The following LRRTM4 variants were observed in gnomAD, a reference collection of about 807,000 sequenced individuals.
LRRTM4 encodes leucine-rich repeat transmembrane neuronal protein 4.
In LRRTM4, 25 loss-of-function variants were observed where a neutral mutation model predicts 47.6. The ratio of observed to expected loss-of-function variants is 0.53; its 90% CI spans 0.38 to 0.73. LRRTM4 has a LOEUF of 0.73. Ranked by LOEUF, LRRTM4 falls within the 30% of genes least tolerant of loss-of-function variation. The probability of loss-of-function intolerance (pLI) is 0.00; values close to 1 mark genes in which losing one functional copy is unlikely to be tolerated. For synonymous variants in LRRTM4, 311 were observed against 269.5 expected (o/e 1.15, Z -1.51); for missense variants, 638 against 713.4 (o/e 0.89, Z 1.20).
intron 3 of LRRTM4, among the ~76,000 whole-genome samples, chr2:77,057,821 A>C (rs1048660742): frequency 6.6e-6 from 1 of 152,192 alleles, no homozygotes; most frequent in Non-Finnish European, 1.5e-5. Context: ...TTAAGGATAG[A>C]TATGAAGTGG....
chr2:77,020,868 T>C (rs1678242797), intron 3 of LRRTM4, among the ~76,000 whole-genome samples: 1 of 152,122 alleles, frequency 6.6e-6, no homozygotes, highest in Non-Finnish European at 1.5e-5. Flanking sequence ...TGTCCATGGA[T>C]TGGGGAGTAC....
intron 3 of LRRTM4, among the ~76,000 whole-genome samples, chr2:77,306,256 C>G (rs952810866): frequency 6.6e-6 from 1 of 151,922 alleles, no homozygotes; most frequent in Non-Finnish European, 1.5e-5. Context: ...TATAAGAAAC[C>G]GAAATAAAAT....
chr2:77,298,398 G>A (rs1307583335), intron 3 of LRRTM4, among the ~76,000 whole-genome samples: 1 of 152,016 alleles, frequency 6.6e-6, no homozygotes, highest in Non-Finnish European at 1.5e-5. Flanking sequence ...CACCACGCCC[G>A]GCTAATTTTT....
At chr2:77,066,856 C>G (rs1489263384) in intron 3 of LRRTM4, among the ~76,000 whole-genome samples, 8 of 152,184 alleles carry the variant, frequency 5.3e-5, no homozygotes, top group Admixed American at 3.3e-4. Flanking sequence ...ACCAGTATGT[C>G]TGGTAATGTT....
chr2:76,905,443 C>T (rs1400153138), intron 3 of LRRTM4, among the ~76,000 whole-genome samples: 1 of 152,102 alleles, frequency 6.6e-6, no homozygotes, highest in Non-Finnish European at 1.5e-5. Flanking sequence ...ACCAGAGCAC[C>T]TCTCCTCCTC....
intron 3 of LRRTM4, among the ~76,000 whole-genome samples, chr2:77,256,315 C>T (rs1675764011): frequency 2.0e-5 from 3 of 152,184 alleles, no homozygotes; most frequent in South Asian, 2.1e-4. Flanking sequence ...AGAATGGTGT[C>T]GTTGGTAAAC....
At chr2:77,090,276 G>A (rs904738031) in intron 3 of LRRTM4, among the ~76,000 whole-genome samples, 1 of 152,084 alleles carries the variant, frequency 6.6e-6, no homozygotes, top group Middle Eastern at 3.2e-3. Flanking sequence ...TCCCAAATCA[G>A]AAGCGTTTAG....
chr2:77,332,222 C>T (rs987572449), intron 3 of LRRTM4, among the ~76,000 whole-genome samples: 2 of 152,088 alleles, frequency 1.3e-5, no homozygotes, highest in Non-Finnish European at 2.9e-5. Context: ...TGCACTCTTT[C>T]CTCCAACAGG....
intron 3 of LRRTM4, among the ~76,000 whole-genome samples, chr2:77,221,651 G>T (rs1321219530): frequency 6.6e-6 from 1 of 151,866 alleles, no homozygotes; most frequent in Non-Finnish European, 1.5e-5. Flanking sequence ...AACAAGAAGA[G>T]CTAACTATCC....
At chr2:77,306,698 T>C (rs1677281903) in intron 3 of LRRTM4, among the ~76,000 whole-genome samples, 1 of 152,100 alleles carries the variant, frequency 6.6e-6, no homozygotes, top group African/African-American at 2.4e-5. Context: ...ATGGGTTCAA[T>C]ATATTGACCC....
chr2:76,971,205 G>T (rs1017008922), intron 3 of LRRTM4, among the ~76,000 whole-genome samples: 3 of 151,954 alleles, frequency 2.0e-5, no homozygotes, highest in African/African-American at 7.2e-5. Context: ...CTGTTCTGAG[G>T]ATCATCTGTA....
intron 3 of LRRTM4, among the ~76,000 whole-genome samples, chr2:77,362,170 A>AAAGAAAGAAAGAAAGGAAGGAGGG: frequency 7.5e-6 from 1 of 133,630 alleles, no homozygotes; most frequent in South Asian, 2.4e-4. Context: ...AGAAAGAAAG[A>AAAGAAAGAAAGAAAGGAAGGAGGG]AAGGAAGGAA....
chr2:77,216,096 C>G lies in LRRTM4; in HGVS notation c.1551+302222G>C, dbSNP rs543333491. 1.6e-3 allele frequency among the ~76,000 whole-genome samples: 165 copies of G among 103,386 alleles called. 1 individual carries two copies. The highest frequency in any genetic ancestry group is 0.014 in the African/African-American group (153 of 10,860). 67.8% of individuals were successfully genotyped at this position (103,386 alleles called of 152,430 possible). Reference sequence around the variant, plus strand: ...GACTATGATACATTAACTGCCCCCCCACCCAGCAATACAACTAATACTTGA... The same window carrying G: ...GACTATGATACATTAACTGCCCCCCGACCCAGCAATACAACTAATACTTGA... On this transcript the variant is annotated intron_variant, in intron 3 of 3. Coordinates refer to ENST00000409884, the MANE Select transcript of LRRTM4 (RefSeq NM_001134745.3).
chr2:76,841,029 T>C (rs1340937523), intron 3 of LRRTM4, among the ~76,000 whole-genome samples: 2 of 149,574 alleles, frequency 1.3e-5, no homozygotes, highest in Non-Finnish European at 2.9e-5. Flanking sequence ...CCAACCCAAA[T>C]GTCCAACAAT....
At chr2:76,794,713 C>T (rs1029043990) in intron 3 of LRRTM4, among the ~76,000 whole-genome samples, 3 of 151,960 alleles carry the variant, frequency 2.0e-5, no homozygotes, top group Admixed American at 6.6e-5. Context: ...TGACATTTTT[C>T]ACTGGCTAAT....
intron 3 of LRRTM4, among the ~76,000 whole-genome samples, chr2:77,415,677 T>C (rs1674609793): frequency 6.6e-6 from 1 of 152,122 alleles, no homozygotes; most frequent in African/African-American, 2.4e-5. Context: ...AGGAGTCTCC[T>C]CTTGAATTCC....
At chr2:76,772,289 T>A (rs899850838) in intron 3 of LRRTM4, among the ~76,000 whole-genome samples, 2 of 152,140 alleles carry the variant, frequency 1.3e-5, no homozygotes, top group Non-Finnish European at 2.9e-5. Flanking sequence ...GATCTTGAAC[T>A]TCCCAGGCTC....
At chr2:77,283,893 G>A (rs1676580578) in intron 3 of LRRTM4, among the ~76,000 whole-genome samples, 1 of 151,842 alleles carries the variant, frequency 6.6e-6, no homozygotes. Flanking sequence ...CCTGAGTGAT[G>A]GGGTCATTTG....
At chr2:77,222,711 A>T (rs1674675318) in intron 3 of LRRTM4, among the ~76,000 whole-genome samples, 1 of 152,206 alleles carries the variant, frequency 6.6e-6, no homozygotes, top group Non-Finnish European at 1.5e-5. Context: ...TGAGGCAATA[A>T]TTAATAGCTT....
Sources: allele counts gnomAD v4.1 joint callset (sites outside exome capture counted in the v4.1 genomes callset), GRCh38; gene constraint gnomAD v4.1.1; transcripts MANE v1.5; gene names NCBI Gene and HGNC (gene_info 2026-07-23, HGNC 2026-07-21).